Variants in ITPR3 observed in about 807,000 individuals in gnomAD.
ITPR3 encodes the protein inositol 1,4,5-trisphosphate receptor type 3.
Under a neutral mutation model 293.2 loss-of-function variants are expected in ITPR3, and 173 were observed. The ratio of observed to expected loss-of-function variants is 0.59; its 90% CI spans 0.52 to 0.67. The LOEUF is 0.67. Among genes scored for constraint, ITPR3 ranks in the 30% least tolerant of loss-of-function variants. ITPR3 has a pLI of 0.00. For synonymous variants in ITPR3, 1,295 were observed against 1,444.4 expected, an observed-to-expected ratio of 0.90 and a Z score of 2.35; for missense variants, 2,796 against 3,592.1, an observed-to-expected ratio of 0.78 and a Z score of 5.66.
intron 41 of ITPR3, 82 bp downstream of exon 41, chr6:33,685,909 A>G (rs763472548): frequency 2.8e-4 from 433 of 1,525,480 alleles, no homozygotes; most frequent in Non-Finnish European, 3.7e-4. Flanking sequence ...GTGTCCCTCT[A>G]TGGCAGGTGT....
chr6:33,678,326 A>G, intron 28 of ITPR3, 95 bp from the exon 29 acceptor site: 1 of 1,534,042 alleles, frequency 6.5e-7, no homozygotes, highest in Non-Finnish European at 8.9e-7. Flanking sequence ...TCCCAGTCCC[A>G]AGCCCGACCC....
chr6:33,679,927 G>T lies in ITPR3; in HGVS notation c.4018G>T (p.Ala1340Ser), dbSNP rs1485807397. ...DDVVVFYNDKASLAHLLDMMK... is the reference protein window; with the variant it reads ...DDVVVFYNDKSSLAHLLDMMK... Reference sequence around the variant, plus strand: ...TGTGGTCGTGTTCTACAATGATAAGGCATCGCTGGCCCACCTGCTGGACAT... The same window carrying T: ...TGTGGTCGTGTTCTACAATGATAAGTCATCGCTGGCCCACCTGCTGGACAT... Residue 1340 changes from alanine (A) to serine (S), a missense_variant, in exon 31 of 58, where the codon GCA (alanine) becomes TCA (serine). By Grantham distance (99) the Ala-to-Ser change is moderately conservative. Coordinates refer to ENST00000605930, the MANE Select transcript of ITPR3 (RefSeq NM_002224.4). The surrounding 1 kb of genome is among the most constrained non-coding windows in gnomAD (Gnocchi z 4.2). The T allele has an allele frequency of 1.2e-6, 2 of 1,613,710 alleles. No individual in the cohort carries two copies. The highest frequency in any genetic ancestry group is 2.2e-5 in the East Asian group (1 of 44,884).
rs780994102 is a variant in ITPR3 at position 33,667,183 on chromosome 6, G to T, written c.1606G>T (p.Val536Leu). The change falls in exon 15 of 58, where the codon GTG becomes TTG. Residue 536 changes from valine (V) to leucine (L), a missense_variant. Physicochemically the swap from Val to Leu is conservative, Grantham distance 32. Transcript: ENST00000605930. This position sits in a 1 kb window ranked among gnomAD's most constrained non-coding sequence, Gnocchi z 4.4. ...TGAGAAGGGGGGTGAAGGTCCCCTGGTGCGGCTGGAGGAGCTGTCAGACCA... is the reference window on the plus strand; with the variant it reads ...TGAGAAGGGGGGTGAAGGTCCCCTGTTGCGGCTGGAGGAGCTGTCAGACCA... The part of the protein sequence containing the change: ...FREKGGEGPL[V>L]RLEELSDQKN... 1.3e-5 allele frequency: 21 copies of T among 1,614,046 alleles called. No homozygotes were observed. The highest frequency in any genetic ancestry group is 1.2e-4 in the African/African-American group (9 of 74,930).
In ITPR3 at chr6:33,675,732, G is replaced by T; in HGVS notation, c.3158G>T (p.Arg1053Leu). ...CTGGAGGTGGATGACGAGGGCGGCCGCATGTTCCTGCGCGTGCTCATCCAC... is the reference window on the plus strand; with the variant it reads ...CTGGAGGTGGATGACGAGGGCGGCCTCATGTTCCTGCGCGTGCTCATCCAC... ...SMLEVDDEGG[R>L]MFLRVLIHLT... The change falls in exon 25 of 58, where the codon CGC (arginine) becomes CTC (leucine). Residue 1053 changes from arginine to leucine, a missense_variant. Transcript: ENST00000605930. The surrounding 1 kb of genome is among the most constrained non-coding windows in gnomAD (Gnocchi z 5.0). 1.2e-6 allele frequency: 2 copies of T among 1,611,292 alleles called. No homozygotes were observed. The highest frequency in any genetic ancestry group is 1.7e-6 in the Non-Finnish European group (2 of 1,178,894).
At chr6:33,657,169 G>A (rs1234818556) in intron 3 of ITPR3, among the ~76,000 whole-genome samples, 1 of 152,242 alleles carries the variant, frequency 6.6e-6, no homozygotes, top group Non-Finnish European at 1.5e-5. Context: ...AAAGGACTGA[G>A]GAGGAGGAAA....
chr6:33,629,289 C>T (rs1763617956), intron 1 of ITPR3, among the ~76,000 whole-genome samples: 1 of 152,008 alleles, frequency 6.6e-6, no homozygotes, highest in Non-Finnish European at 1.5e-5. Flanking sequence ...GTGATCACAC[C>T]AATTAATAGT....
rs1764400895 is a variant in ITPR3, at chr6:33,659,475, G to A, written c.637G>A (p.Val213Met). 1 of 1,614,094 alleles carries A rather than the reference G, an allele frequency of 6.2e-7. No homozygotes were observed. The highest frequency in any genetic ancestry group is 2.2e-5 in the East Asian group (1 of 44,872). The change falls in exon 7 of 58, where the codon GTG becomes ATG. Residue 213 changes from valine to methionine, a missense_variant. Transcript: ENST00000605930. ...DNAGCKEVNS[V>M]NCNTSWKINL... ...TGTCACCCTTCCGCAGGTCAATTCT[G>A]TGAACTGCAACACCAGCTGGAAGAT...
intron 1 of ITPR3, among the ~76,000 whole-genome samples, chr6:33,622,352 T>C (rs1196354621): frequency 6.6e-6 from 1 of 152,144 alleles, no homozygotes; most frequent in Non-Finnish European, 1.5e-5. Flanking sequence ...ATTAATTAAT[T>C]CTGGCCGCCA....
chr6:33,635,708 G>A (rs1313113225), intron 1 of ITPR3, among the ~76,000 whole-genome samples: 1 of 152,048 alleles, frequency 6.6e-6, no homozygotes, highest in Non-Finnish European at 1.5e-5. Context: ...GAACAGGCTT[G>A]TTTGAGCCCA....
At chr6:33,686,617 TGTG>T in intron 43 of ITPR3, 98 bp downstream of exon 43, 1 of 927,828 alleles carries the variant, frequency 1.1e-6, no homozygotes, top group East Asian at 2.4e-5. Context: ...TGGTGTGTAA[TGTG>T]GGTGTTAGCA....
Position 33,667,801 on chromosome 6 carries a change from G to A in ITPR3, c.1723G>A (p.Ala575Thr), listed in dbSNP as rs1000607839. The A allele has an allele frequency of 1.9e-6, 3 of 1,614,040 alleles. No individual in the cohort carries two copies. The highest frequency in any genetic ancestry group is 2.5e-6 in the Non-Finnish European group (3 of 1,179,972). ...CTGTCTGCCCCCCCAGGAGCACATT[G>A]CCAAGCAGTTTGGGATGATGCAGTC... ...EDYRKNQEHI[A>T]KQFGMMQSQI... The change falls in exon 16 of 58, where the codon GCC (alanine) becomes ACC (threonine). Residue 575 changes from alanine (A) to threonine (T), a missense_variant. By Grantham distance (58) the Ala-to-Thr change is moderately conservative (BLOSUM62 0). This residue lies in a region of ITPR3 where 955 missense variants were observed against 1,180.8 expected (regional missense o/e 0.81). Coordinates refer to ENST00000605930, the MANE Select transcript of ITPR3 (RefSeq NM_002224.4). The surrounding 1 kb of genome is among the most constrained non-coding windows in gnomAD (Gnocchi z 4.4).
chr6:33,688,545 C>T lies in ITPR3; in HGVS notation c.6569-111C>T, dbSNP rs1765301882. 5.9e-6 allele frequency: 9 copies of T among 1,533,320 alleles called. 1 individual carries two copies. The South Asian group carries it at 1.1e-4, about 19-fold the overall frequency. The allele number at this position is 1,533,320 out of a possible 1,614,324, so 95.0% of individuals were successfully genotyped here. A position where few individuals can be genotyped will look rare whatever the true frequency, so the allele number is the denominator to read the frequency against. On this transcript the variant is annotated intron_variant, in intron 48 of 57. Transcript: ENST00000605930. ...CCCTGCGCCCAACCCCGCCTCACCC[C>T]AAGGAAGGGCTCTTCCATGTGTGGC...
chr6:33,677,922 A>G (rs1351106266), intron 28 of ITPR3, among the ~76,000 whole-genome samples: 1 of 151,874 alleles, frequency 6.6e-6, no homozygotes, highest in Non-Finnish European at 1.5e-5. Context: ...AACCCTGATA[A>G]TCTCAGCTTC....
At position 33,689,299 on chromosome 6, in the gene ITPR3, G is replaced by A. The variant is rs766935400; in HGVS notation, c.6756G>A (p.Ala2252=). ...LFWILICFSI[A]ALFTKRYSIR... is the part of the protein sequence containing the mutation. ...GGATCCTCATCTGCTTCTCCATCGC[G>A]GCCCTGTTCACCAAGCGCTACAGCA... The change falls in exon 50 of 58, where the codon GCG becomes GCA. Residue 2252 remains alanine (A), a synonymous_variant. Coordinates refer to ENST00000605930, the MANE Select transcript of ITPR3 (RefSeq NM_002224.4). The A allele has an allele frequency of 1.1e-5, 17 of 1,612,282 alleles. No individual in the cohort carries two copies. The highest frequency in any genetic ancestry group is 5.5e-5 in the South Asian group (5 of 91,084).
chr6:33,668,836 G>C, intron 17 of ITPR3, 138 bp from the exon 18 acceptor site: 1 of 1,180,324 alleles, frequency 8.5e-7, no homozygotes, highest in Non-Finnish European at 1.2e-6. Context: ...ATGAGCCACG[G>C]ACCCTGCCCT....
Position 33,654,255 on chromosome 6 carries a change from G to A in ITPR3, c.161-1511G>A, listed in dbSNP as rs2127255896. Among the ~76,000 whole-genome samples, 1 of 152,112 alleles carries A rather than the reference G, an allele frequency of 6.6e-6. No individual in the cohort carries two copies. The highest frequency in any genetic ancestry group is 2.4e-5 in the African/African-American group (1 of 41,500). ...TGCACTCCAGCCTGAGCTACAGAGTGAGACCGTGTCTCAAAAAAAATAAGA... is the reference window on the plus strand; with the variant it reads ...TGCACTCCAGCCTGAGCTACAGAGTAAGACCGTGTCTCAAAAAAAATAAGA... On this transcript the variant is annotated intron_variant, in intron 2 of 57. Coordinates refer to ENST00000605930, the MANE Select transcript of ITPR3 (RefSeq NM_002224.4). The surrounding 1 kb of genome is among the most constrained non-coding windows in gnomAD (Gnocchi z 4.1).
Position 33,672,870 on chromosome 6 carries a change from C to T in ITPR3, c.2928+642C>T, listed in dbSNP as rs73408252. Among the ~76,000 whole-genome samples the T allele has an allele frequency of 0.048, 7,296 of 152,246 alleles. 219 individuals carry two copies. The highest frequency in any genetic ancestry group is 0.14 in the East Asian group (720 of 5,156). ...GCAGTCATCCCTGTTGTGGTCTCAT[C>T]TGAGACTCCCCAGCCACACCCCAGG... On this transcript the variant is annotated intron_variant, in intron 22 of 57. Coordinates refer to ENST00000605930, the MANE Select transcript of ITPR3 (RefSeq NM_002224.4). This position sits in a 1 kb window ranked among gnomAD's most constrained non-coding sequence, Gnocchi z 5.0.
intron 1 of ITPR3, among the ~76,000 whole-genome samples, chr6:33,639,446 C>T (rs75545083): frequency 0.058 from 8,754 of 151,288 alleles, 335 homozygotes; most frequent in African/African-American, 0.1. Context: ...AGAAGGAGCA[C>T]GGGCTTTGAA....
Position 33,679,290 on chromosome 6 carries a change from A to G in ITPR3, c.3972+451A>G, listed in dbSNP as rs1269228352. ...GGCGCATAGTAGGTTCTCAACAGACACCTGTTGAGTGAAGGCACGAAGGAT... is the reference window on the plus strand; with the variant it reads ...GGCGCATAGTAGGTTCTCAACAGACGCCTGTTGAGTGAAGGCACGAAGGAT... On this transcript the variant is annotated intron_variant, in intron 30 of 57. Transcript: ENST00000605930. The surrounding 1 kb of genome is among the most constrained non-coding windows in gnomAD (Gnocchi z 4.2). Among the ~76,000 whole-genome samples, 3 of 152,006 alleles carry G rather than the reference A, an allele frequency of 2.0e-5. No homozygotes were observed. Among genetic ancestry groups the G allele is most frequent in the African/African-American group, 7.2e-5 (3 of 41,390 alleles).
Sources: gnomAD v4.1 joint callset for allele counts (sites outside exome capture counted in the v4.1 genomes callset) on GRCh38, gnomAD v4.1.1 for gene constraint, gnomAD v4.1.1 regional missense constraint, Gnocchi (gnomAD v3.1) non-coding constraint, MANE v1.5 for transcripts, NCBI Gene and HGNC (gene_info 2026-07-23, HGNC 2026-07-21) for gene names.